TBC1D1: variants seen among roughly 807,000 people sequenced by gnomAD.
TBC1D1 encodes the protein TBC1 (tre-2/USP6, BUB2, cdc16) domain family, member 1.
TBC1D1 carries 89 observed loss-of-function variants against 125.6 expected under a neutral mutation model. The observed-to-expected ratio is 0.71, with a 90% CI of 0.60 to 0.85. The LOEUF is 0.85. Among genes scored for constraint, TBC1D1 ranks in the 40% least tolerant of loss-of-function variants. TBC1D1 has a pLI of 0.00. For missense variants in TBC1D1, 1,377 were observed against 1,469.2 expected, an observed-to-expected ratio of 0.94 and a Z score of 1.03; for synonymous variants, 565 against 564.1, an observed-to-expected ratio of 1.00 and a Z score of -0.02.
chr4:38,044,632 CAG>C lies in TBC1D1; in HGVS notation c.1542+143_1542+144del. 3.5e-6 allele frequency: 3 copies of C among 848,950 alleles called. No homozygotes were observed. The East Asian group carries it at 8.8e-5, about 25-fold the overall frequency. 52.6% of individuals were successfully genotyped at this position (848,950 alleles called of 1,614,324 possible). ...TTTTTATGTTTTCTCAGGCTTATAA[CAG>C]TATTATCTACATTTTAAATTGTTTT... On this transcript the variant is annotated intron_variant, in intron 9 of 19. Coordinates refer to ENST00000261439, the MANE Select transcript of TBC1D1 (RefSeq NM_015173.4).
rs371844655 is a variant in TBC1D1 at position 38,062,029 on chromosome 4, C to T, written c.2050+7691C>T. Among the ~76,000 whole-genome samples the T allele has an allele frequency of 2.5e-4, 38 of 152,280 alleles. No homozygotes were observed. In the East Asian group the frequency reaches 4.8e-3, roughly 19 times the overall value. ...AAGCACCTGGGGAGATTTTTTAAAACATGGGCCAGACATGCCTTCCTGGCT... is the reference window on the plus strand; with the variant it reads ...AAGCACCTGGGGAGATTTTTTAAAATATGGGCCAGACATGCCTTCCTGGCT... On this transcript the variant is annotated intron_variant, in intron 12 of 19. Transcript: ENST00000261439.
chr4:38,066,941 A>T (rs761497525), intron 12 of TBC1D1, among the ~76,000 whole-genome samples: 1 of 151,950 alleles, frequency 6.6e-6, no homozygotes, highest in Non-Finnish European at 1.5e-5. Context: ...CAGTGGTGCA[A>T]TCTTGGCTCA....
chr4:38,007,324 C>T (rs1202124458), intron 2 of TBC1D1, among the ~76,000 whole-genome samples: 1 of 152,122 alleles, frequency 6.6e-6, no homozygotes, highest in Non-Finnish European at 1.5e-5. Flanking sequence ...GAGATCTCAG[C>T]TCACTGCAAC....
chr4:38,058,386 AG>A (rs1752137057), intron 12 of TBC1D1, among the ~76,000 whole-genome samples: 1 of 152,192 alleles, frequency 6.6e-6, no homozygotes, highest in African/African-American at 2.4e-5. Context: ...CTTTCCCCAG[AG>A]GTCCCTGCTT....
At chr4:38,080,516 T>C (rs1421677435) in intron 12 of TBC1D1, among the ~76,000 whole-genome samples, 1 of 152,238 alleles carries the variant, frequency 6.6e-6, no homozygotes, top group Admixed American at 6.5e-5. Flanking sequence ...GTCCCTTCGC[T>C]GGGCCCCGTG....
chr4:37,916,845 A>C (rs909756142), intron 2 of TBC1D1, among the ~76,000 whole-genome samples: 1 of 152,120 alleles, frequency 6.6e-6, no homozygotes, highest in Admixed American at 6.5e-5. Flanking sequence ...ATCTCTGCAC[A>C]CTGCAACCCC....
intron 17 of TBC1D1, 45 bp downstream of exon 19, chr4:38,118,237 T>G: frequency 6.2e-7 from 1 of 1,601,656 alleles, no homozygotes; most frequent in Non-Finnish European, 8.5e-7. Context: ...CTTCTCTTAT[T>G]AGAGGGGAAA....
In TBC1D1 at chr4:38,006,777, C is replaced by G. The variant is rs115655970; in HGVS notation, c.418-7732C>G. ...TACAGGCGTGAGCCACTGCGCCTGGCCCAACACTATTTCTTTTATGCTGCT... is the reference window on the plus strand; with the variant it reads ...TACAGGCGTGAGCCACTGCGCCTGGGCCAACACTATTTCTTTTATGCTGCT... On this transcript the variant is annotated intron_variant, in intron 2 of 19. Transcript: ENST00000261439. The G allele has an allele frequency of 2.1e-3, 1,001 of 485,554 alleles. 6 individuals carry two copies. Among genetic ancestry groups the G allele is most frequent in the African/African-American group, 0.018 (884 of 50,352 alleles). 30.1% of individuals were successfully genotyped at this position (485,554 alleles called of 1,614,324 possible).
At chr4:38,126,503 G>A (rs902205637) in intron 18 of TBC1D1, among the ~76,000 whole-genome samples, 1 of 152,210 alleles carries the variant, frequency 6.6e-6, no homozygotes, top group African/African-American at 2.4e-5. Flanking sequence ...TGCAAATTTG[G>A]CCTGCAAAAG....
chr4:38,101,284 G>C (rs895286719), intron 14 of TBC1D1, among the ~76,000 whole-genome samples: 1 of 152,182 alleles, frequency 6.6e-6, no homozygotes, highest in African/African-American at 2.4e-5. Flanking sequence ...CGGATGGAAA[G>C]AAAGATCAAT....
chr4:37,933,229 A>G (rs968749057), intron 2 of TBC1D1, among the ~76,000 whole-genome samples: 1 of 152,126 alleles, frequency 6.6e-6, no homozygotes, highest in African/African-American at 2.4e-5. Context: ...ACATATATAT[A>G]CCTATACACA....
intron 12 of TBC1D1, among the ~76,000 whole-genome samples, chr4:38,076,223 A>G (rs968004138): frequency 4.6e-5 from 7 of 152,172 alleles, no homozygotes; most frequent in Non-Finnish European, 8.8e-5. Context: ...AGTGCCGAGC[A>G]AAAGGGGGGA....
chr4:37,923,855 T>C (rs1193066249), intron 2 of TBC1D1, among the ~76,000 whole-genome samples: 1 of 152,016 alleles, frequency 6.6e-6, no homozygotes, highest in African/African-American at 2.4e-5. Context: ...AATTTTTGTA[T>C]TTTTGGTAGA....
intron 2 of TBC1D1, among the ~76,000 whole-genome samples, chr4:37,953,919 A>T (rs1369442036): frequency 6.6e-6 from 1 of 152,192 alleles, no homozygotes; most frequent in Non-Finnish European, 1.5e-5. Context: ...GCCCGTTATT[A>T]ATGTAGATTA....
At chr4:37,892,298 C>A (rs1211353883) in intron 1 of TBC1D1, among the ~76,000 whole-genome samples, 2 of 152,138 alleles carry the variant, frequency 1.3e-5, no homozygotes, top group Non-Finnish European at 2.9e-5. Context: ...CACCTGTAGT[C>A]CCAGCTACTT....
intron 18 of TBC1D1, among the ~76,000 whole-genome samples, chr4:38,127,801 G>A (rs1264570547): frequency 6.6e-6 from 1 of 152,152 alleles, no homozygotes; most frequent in African/African-American, 2.4e-5. Flanking sequence ...TGGGAGCCAG[G>A]GCTGTGAGGT....
chr4:37,969,926 G>A (rs141824643), intron 2 of TBC1D1, among the ~76,000 whole-genome samples: 13 of 152,130 alleles, frequency 8.5e-5, no homozygotes, highest in African/African-American at 1.4e-4. Flanking sequence ...TCCAGCCCCC[G>A]GTAACTACTA....
chr4:37,956,486 C>T (rs55810620), intron 2 of TBC1D1, among the ~76,000 whole-genome samples: 11,869 of 152,240 alleles, frequency 0.078, 589 homozygotes, highest in Middle Eastern at 0.13. Context: ...GTGCTCAATA[C>T]ATATTGAATG....
chr4:38,010,813 A>T (rs759624054), intron 2 of TBC1D1, among the ~76,000 whole-genome samples: 7 of 152,118 alleles, frequency 4.6e-5, no homozygotes, highest in Non-Finnish European at 1.0e-4. Context: ...AACATGCCCC[A>T]TCTCAATTAC....
Sources: gnomAD v4.1 joint callset for allele counts (sites outside exome capture counted in the v4.1 genomes callset) on GRCh38, gnomAD v4.1.1 for gene constraint, MANE v1.5 for transcripts, NCBI Gene and HGNC (gene_info 2026-07-23, HGNC 2026-07-21) for gene names.